The following CACNG2 variants were observed in gnomAD, a reference collection of about 807,000 sequenced individuals.
CACNG2 encodes the protein calcium voltage-gated channel auxiliary subunit gamma 2, also known as voltage-dependent calcium channel gamma-2 subunit.
In CACNG2, 3 loss-of-function variants were observed where a neutral mutation model predicts 25.9. That is an observed-to-expected ratio of 0.12 (90% confidence interval 0.05 to 0.30). The LOEUF is 0.30. Among genes scored for constraint, CACNG2 ranks in the 10% least tolerant of loss-of-function variants. The pLI is 1.00. For missense variants in CACNG2, 341 were observed against 432.5 expected (o/e 0.79, Z 1.88); for synonymous variants, 167 against 173.3 (o/e 0.96, Z 0.29).
intron 1 of CACNG2, among the ~76,000 whole-genome samples, chr22:36,675,074 G>T (rs1461727077): frequency 6.6e-6 from 1 of 152,122 alleles, no homozygotes; most frequent in African/African-American, 2.4e-5. Context: ...TTGGGACAGG[G>T]TTGCCCAGGC....
intron 1 of CACNG2, among the ~76,000 whole-genome samples, chr22:36,651,762 T>G (rs1936619405): frequency 6.6e-6 from 1 of 152,236 alleles, no homozygotes; most frequent in Non-Finnish European, 1.5e-5. Context: ...AGTCAATATT[T>G]GTTGAACAAA....
intron 1 of CACNG2, among the ~76,000 whole-genome samples, chr22:36,679,483 A>G (rs1359172201): frequency 6.6e-6 from 1 of 152,128 alleles, no homozygotes; most frequent in East Asian, 1.9e-4. Flanking sequence ...ATCACAAATG[A>G]TTTTTATTTA....
chr22:36,596,927 T>G (rs936450478), intron 1 of CACNG2, among the ~76,000 whole-genome samples: 2 of 152,090 alleles, frequency 1.3e-5, no homozygotes, highest in African/African-American at 2.4e-5. Flanking sequence ...TTTTTGAATT[T>G]TTTTTGTAGA....
At chr22:36,678,901 C>G (rs1006517303) in intron 1 of CACNG2, among the ~76,000 whole-genome samples, 1 of 152,138 alleles carries the variant, frequency 6.6e-6, no homozygotes, top group African/African-American at 2.4e-5. Flanking sequence ...CATCGCACAC[C>G]GTCTTCCCAA....
chr22:36,664,442 G>A (rs777275049), intron 1 of CACNG2, among the ~76,000 whole-genome samples: 2 of 152,206 alleles, frequency 1.3e-5, no homozygotes, highest in African/African-American at 2.4e-5. Flanking sequence ...ACTCGAGAGC[G>A]TCCCTGGGTG....
At chr22:36,656,203 C>T (rs1013499102) in intron 1 of CACNG2, among the ~76,000 whole-genome samples, 1 of 152,128 alleles carries the variant, frequency 6.6e-6, no homozygotes, top group Non-Finnish European at 1.5e-5. Flanking sequence ...ATAGACTCAC[C>T]TTATGATTTC....
intron 1 of CACNG2, among the ~76,000 whole-genome samples, chr22:36,617,043 G>A (rs1198196378): frequency 6.6e-6 from 1 of 152,126 alleles, no homozygotes; most frequent in East Asian, 1.9e-4. Context: ...CTGGAGATGT[G>A]TAACTGGGAT....
chr22:36,640,921 C>T (rs372000514), intron 1 of CACNG2, among the ~76,000 whole-genome samples: 5 of 152,144 alleles, frequency 3.3e-5, no homozygotes, highest in Non-Finnish European at 5.9e-5. Flanking sequence ...ACCTCATCCA[C>T]GCTGTTCTCT....
At chr22:36,682,181 A>G (rs1422529953) in intron 1 of CACNG2, among the ~76,000 whole-genome samples, 1 of 152,220 alleles carries the variant, frequency 6.6e-6, no homozygotes, top group African/African-American at 2.4e-5. Context: ...TTGGGGGAGA[A>G]GACGCAGGGC....
chr22:36,648,467 T>C (rs529733211), intron 1 of CACNG2, among the ~76,000 whole-genome samples: 6 of 152,286 alleles, frequency 3.9e-5, no homozygotes, highest in Non-Finnish European at 7.4e-5. Context: ...TTCTAGCTTG[T>C]CTTGCCCTCT....
At chr22:36,572,112 A>G (rs17808251) in intron 2 of CACNG2, among the ~76,000 whole-genome samples, 3,842 of 152,282 alleles carry the variant, frequency 0.025, 124 homozygotes, top group Admixed American at 0.087. Flanking sequence ...TTAATGAACA[A>G]ATATTTACTG....
At chr22:36,699,541 G>A (rs1937384627) in intron 1 of CACNG2, among the ~76,000 whole-genome samples, 2 of 151,692 alleles carry the variant, frequency 1.3e-5, no homozygotes, top group African/African-American at 4.9e-5. Context: ...GAGGAAGACA[G>A]GGTTGTTTTT....
intron 1 of CACNG2, among the ~76,000 whole-genome samples, chr22:36,686,347 G>A (rs1013169025): frequency 7.2e-5 from 11 of 152,160 alleles, no homozygotes; most frequent in Admixed American, 1.3e-4. Flanking sequence ...AAAAACCTCC[G>A]TTTCTTGGTG....
chr22:36,613,504 G>A (rs571132099), intron 1 of CACNG2, among the ~76,000 whole-genome samples: 1 of 152,008 alleles, frequency 6.6e-6, no homozygotes, highest in Non-Finnish European at 1.5e-5. Flanking sequence ...GGGTCCTCAA[G>A]GTTGCTTGGT....
At chr22:36,638,122 G>A (rs1252128142) in intron 1 of CACNG2, among the ~76,000 whole-genome samples, 1 of 152,122 alleles carries the variant, frequency 6.6e-6, no homozygotes. Flanking sequence ...AATATCATTG[G>A]TGGTCCATTT....
At chr22:36,669,939 C>T (rs1302244202) in intron 1 of CACNG2, among the ~76,000 whole-genome samples, 1 of 152,166 alleles carries the variant, frequency 6.6e-6, no homozygotes, top group African/African-American at 2.4e-5. Flanking sequence ...TCTCAAACTC[C>T]TGACCTCAAG....
rs1172944764 is a variant in CACNG2 at position 36,676,931 on chromosome 22, A to AG, written c.211+25434_211+25435insC. The stretch of plus-strand genomic sequence containing the variant: ...TGCCTCTCTTTCTGCTTCTTCTAAT[A>AG]TTGTGTGTGTGTGTGTGTGTGTGTG... On this transcript the variant is annotated intron_variant, in intron 1 of 3. Transcript: ENST00000300105. 2.7e-4 allele frequency among the ~76,000 whole-genome samples: 13 copies of AG among 48,980 alleles called. No homozygotes were observed. In the East Asian group the frequency reaches 5.3e-3, roughly 20 times the overall value. 32.1% of individuals were successfully genotyped at this position (48,980 alleles called of 152,430 possible).
At chr22:36,674,411 C>T (rs917610808) in intron 1 of CACNG2, among the ~76,000 whole-genome samples, 4 of 152,348 alleles carry the variant, frequency 2.6e-5, no homozygotes, top group Admixed American at 6.5e-5. Flanking sequence ...TCACTGCAAC[C>T]TCTACCTCTT....
chr22:36,564,930 CG>C lies in CACNG2; in HGVS notation c.437-45del. 1 of 1,576,394 alleles carries C rather than the reference CG, an allele frequency of 6.3e-7. No individual in the cohort carries two copies. The highest frequency in any genetic ancestry group is 8.6e-7 in the Non-Finnish European group (1 of 1,156,754). On this transcript the variant is annotated intron_variant, in intron 3 of 3. Coordinates refer to ENST00000300105, the MANE Select transcript of CACNG2 (RefSeq NM_006078.5). The surrounding 1 kb of genome is among the most constrained non-coding windows in gnomAD (Gnocchi z 6.7). ...CGGGGTGGGGGATCAGAGAGAAGGA[CG>C]TTAGTTTCTCAGGAAGTCGGCCACA...
Sources: allele counts gnomAD v4.1 joint callset (sites outside exome capture counted in the v4.1 genomes callset), GRCh38; gene constraint gnomAD v4.1.1; non-coding constraint Gnocchi (gnomAD v3.1); transcripts MANE v1.5; gene names NCBI Gene and HGNC (gene_info 2026-07-23, HGNC 2026-07-21).